The following C2orf69 variants were observed in gnomAD, a reference collection of about 807,000 sequenced individuals.
The protein encoded by C2orf69 is chromosome 2 open reading frame 69.
A neutral mutation model predicts 29.5 loss-of-function variants in C2orf69; 19 were observed. The ratio of observed to expected loss-of-function variants is 0.65; its 90% CI spans 0.45 to 0.95. The LOEUF (loss-of-function observed/expected upper bound fraction) is 0.95, where lower values mean the gene tolerates loss of function less well. C2orf69 is among the 40% of genes least tolerant of loss of function. C2orf69 has a pLI of 0.00. For synonymous variants in C2orf69, 194 were observed against 180.0 expected, an observed-to-expected ratio of 1.08 and a Z score of -0.62; for missense variants, 416 against 482.1, an observed-to-expected ratio of 0.86 and a Z score of 1.28.
intron 1 of C2orf69, among the ~76,000 whole-genome samples, chr2:199,923,754 C>A (rs1245780355): frequency 6.6e-6 from 1 of 152,168 alleles, no homozygotes; most frequent in African/African-American, 2.4e-5. Flanking sequence ...ATTAGTTTCA[C>A]CTGTTAACTT....
In C2orf69 at chr2:199,911,561, G is replaced by A; in HGVS notation, c.123G>A (p.Ala41=). The A allele has an allele frequency of 6.5e-7, 1 of 1,549,708 alleles. No individual in the cohort carries two copies. Among genetic ancestry groups the A allele is most frequent in the Non-Finnish European group, 8.7e-7 (1 of 1,146,696 alleles). ...TGAACCCGGGCGGCAGCGGCGGCGC[G>A]CGATGCTCCCTCTCGGCCGAGGTGC... is the stretch of plus-strand genomic sequence containing the variant. ...RTMNPGGSGG[A]RCSLSAEVRR... Residue 41 remains alanine (A), a synonymous_variant, in exon 1 of 2, where the codon GCG becomes GCA. Transcript: ENST00000319974.
intron 1 of C2orf69, among the ~76,000 whole-genome samples, chr2:199,923,321 C>T (rs1343416413): frequency 6.6e-6 from 1 of 152,146 alleles, no homozygotes; most frequent in Non-Finnish European, 1.5e-5. Context: ...TGTCCAGTAT[C>T]GTAGCCACTA....
intron 1 of C2orf69, among the ~76,000 whole-genome samples, chr2:199,916,028 C>A (rs2077291397): frequency 6.6e-6 from 1 of 152,162 alleles, no homozygotes; most frequent in South Asian, 2.1e-4. Flanking sequence ...TTAGTCCATT[C>A]TCACACTGCT....
At position 199,925,004 on chromosome 2, in the gene C2orf69, G is replaced by T; in HGVS notation, c.334-58G>T. On this transcript the variant is annotated intron_variant, in intron 1 of 1. Transcript: ENST00000319974. The surrounding 1 kb of genome is among the most constrained non-coding windows in gnomAD (Gnocchi z 4.9). ...CAATAAAAATGGAAACTTATTTTGT[G>T]GAAATCATTTTATGTAAATATGTAT... is the stretch of plus-strand genomic sequence containing the variant. The T allele has an allele frequency of 9.4e-7, 1 of 1,069,302 alleles. No homozygotes were observed. Among genetic ancestry groups the T allele is most frequent in the South Asian group, 1.6e-5 (1 of 62,906 alleles). 66.2% of individuals were successfully genotyped at this position (1,069,302 alleles called of 1,614,324 possible). A position where few individuals can be genotyped will look rare whatever the true frequency, so the allele number is the denominator to read the frequency against.
At position 199,927,007 on chromosome 2, in the gene C2orf69, A is replaced by C. The variant is rs1227035870; in HGVS notation, c.*1121A>C. The C allele has an allele frequency of 6.6e-6, 1 of 152,642 alleles. No individual in the cohort carries two copies. Among genetic ancestry groups the C allele is most frequent in the African/African-American group, 2.4e-5 (1 of 41,452 alleles). The allele number at this position is 152,642 out of a possible 1,614,324, so 9.5% of individuals were successfully genotyped here. ...AAAGAAAATAGCTCTCTTTGGCCAA[A>C]ATGCAAAATTACATTGCTATAAGAA... On this transcript the variant is annotated 3_prime_UTR_variant, in exon 2 of 2. Transcript: ENST00000319974.
chr2:199,923,147 A>G (rs541431630), intron 1 of C2orf69, among the ~76,000 whole-genome samples: 2 of 152,300 alleles, frequency 1.3e-5, no homozygotes, highest in Non-Finnish European at 2.9e-5. Context: ...CTTTCAAACT[A>G]TCACTTTATT....
chr2:199,920,411 T>C (rs1019314033), intron 1 of C2orf69, among the ~76,000 whole-genome samples: 5 of 152,102 alleles, frequency 3.3e-5, no homozygotes, highest in Non-Finnish European at 5.9e-5. Context: ...TCAAGGAAAA[T>C]ATCATGTTTC....
rs1357044155 is a variant in C2orf69, at chr2:199,913,290, T to A, written c.333+1519T>A. Reference sequence around the variant, plus strand: ...TCTATAGAATATATATTCTATTATATAATATATATTCTATTATAATATATA... The same window carrying A: ...TCTATAGAATATATATTCTATTATAAAATATATATTCTATTATAATATATA... On this transcript the variant is annotated intron_variant, in intron 1 of 1. Coordinates refer to ENST00000319974, the MANE Select transcript of C2orf69 (RefSeq NM_153689.6). Among the ~76,000 whole-genome samples the A allele has an allele frequency of 6.7e-5, 7 of 103,966 alleles. No homozygotes were observed. The East Asian group carries it at 1.4e-3, about 21-fold the overall frequency. The allele number at this position is 103,966 out of a possible 152,430, so 68.2% of individuals were successfully genotyped here.
At chr2:199,915,805 C>T (rs948263465) in intron 1 of C2orf69, among the ~76,000 whole-genome samples, 2 of 152,180 alleles carry the variant, frequency 1.3e-5, no homozygotes, top group Admixed American at 6.5e-5. Context: ...ATGTGAGCCA[C>T]CGCACCTGGC....
intron 1 of C2orf69, among the ~76,000 whole-genome samples, chr2:199,918,929 G>A (rs1165506502): frequency 6.7e-6 from 1 of 149,850 alleles, no homozygotes; most frequent in African/African-American, 2.5e-5. Context: ...CATCCATATT[G>A]TTACCTGTAT....
At chr2:199,920,979 C>A (rs76524571) in intron 1 of C2orf69, among the ~76,000 whole-genome samples, 104,399 of 104,402 alleles carry the variant, frequency 1, 52,198 homozygotes, top group Middle Eastern at 1. Context: ...AAAAAAGTCA[C>A]TTGTTGGCCT....
chr2:199,914,636 C>A (rs1024878711), intron 1 of C2orf69, among the ~76,000 whole-genome samples: 8 of 152,114 alleles, frequency 5.3e-5, no homozygotes, highest in African/African-American at 1.9e-4. Context: ...TTATTTCTAT[C>A]TTTTCCCACC....
Position 199,911,395 on chromosome 2 carries a change from C to T in C2orf69, c.-44C>T, listed in dbSNP as rs776086262. 18 of 1,432,902 alleles carry T rather than the reference C, an allele frequency of 1.3e-5. No individual in the cohort carries two copies. Among genetic ancestry groups the T allele is most frequent in the Middle Eastern group, 2.4e-4 (1 of 4,140 alleles). The allele number at this position is 1,432,902 out of a possible 1,614,324, so 88.8% of individuals were successfully genotyped here. ...GCTGAAGTCCCTCCCTCAGGAACCC[C>T]TCCGCCACCCTCCACCTCCGAACCG... On this transcript the variant is annotated 5_prime_UTR_variant, in exon 1 of 2. Transcript: ENST00000319974.
chr2:199,913,545 T>A (rs112271653), intron 1 of C2orf69, among the ~76,000 whole-genome samples: 2 of 126,250 alleles, frequency 1.6e-5, no homozygotes, highest in South Asian at 2.2e-4. Flanking sequence ...ATAATATATA[T>A]AAAATATATA....
rs1559292384 is a variant in C2orf69 at position 199,913,381 on chromosome 2, T to TATATATAATATATTCTATTATGATATATA, written c.333+1620_333+1621insTATTCTATTATGATATATAATATATAATA. On this transcript the variant is annotated intron_variant, in intron 1 of 1. Transcript: ENST00000319974. ...TAATATATTCTATTATGATATATAT[T>TATATATAATATATTCTATTATGATATATA]ATATATAATAACATATATTATATAT... 2.2e-3 allele frequency among the ~76,000 whole-genome samples: 136 copies of TATATATAATATATTCTATTATGATATATA among 63,252 alleles called. 2 individuals carry two copies. Among genetic ancestry groups the TATATATAATATATTCTATTATGATATATA allele is most frequent in the South Asian group, 5.5e-3 (11 of 2,016 alleles). 41.5% of individuals were successfully genotyped at this position (63,252 alleles called of 152,430 possible). A position where few individuals can be genotyped will look rare whatever the true frequency, so the allele number is the denominator to read the frequency against.
intron 1 of C2orf69, among the ~76,000 whole-genome samples, chr2:199,913,719 G>A (rs2077283331): frequency 6.6e-6 from 1 of 151,292 alleles, no homozygotes; most frequent in African/African-American, 2.4e-5. Flanking sequence ...GTGCCCTTGT[G>A]GCTCAGATTG....
chr2:199,922,963 C>T (rs1183636292), intron 1 of C2orf69, among the ~76,000 whole-genome samples: 1 of 152,220 alleles, frequency 6.6e-6, no homozygotes, highest in African/African-American at 2.4e-5. Context: ...CCCAAACCAT[C>T]TCTCTGCCCC....
At chr2:199,921,943 T>G (rs1284803050) in intron 1 of C2orf69, among the ~76,000 whole-genome samples, 1 of 149,880 alleles carries the variant, frequency 6.7e-6, no homozygotes, top group African/African-American at 2.5e-5. Context: ...AAGTTCAGAT[T>G]ATTTACGGTT....
Position 199,925,718 on chromosome 2 carries a change from T to C in C2orf69, c.990T>C (p.His330=), listed in dbSNP as rs1489474331. The C allele has an allele frequency of 1.2e-6, 2 of 1,613,978 alleles. No individual in the cohort carries two copies. Among genetic ancestry groups the C allele is most frequent in the Non-Finnish European group, 8.5e-7 (1 of 1,179,860 alleles). ...FAQTGIIVHT[H]VTPYQVRDPM... Reference sequence around the variant, plus strand: ...AAACAGGAATTATCGTTCACACTCATGTAACACCTTACCAAGTACGTGATC... The same window carrying C: ...AAACAGGAATTATCGTTCACACTCACGTAACACCTTACCAAGTACGTGATC... Residue 330 remains histidine (H), a synonymous_variant, in exon 2 of 2, where the codon CAT becomes CAC. Transcript: ENST00000319974. This position sits in a 1 kb window ranked among gnomAD's most constrained non-coding sequence, Gnocchi z 4.9.
Sources: gnomAD v4.1 joint callset for allele counts (sites outside exome capture counted in the v4.1 genomes callset) on GRCh38, gnomAD v4.1.1 for gene constraint, Gnocchi (gnomAD v3.1) non-coding constraint, MANE v1.5 for transcripts, NCBI Gene and HGNC (gene_info 2026-07-23, HGNC 2026-07-21) for gene names.